KLF12: variants seen among roughly 807,000 people sequenced by gnomAD.
KLF12 encodes KLF transcription factor 12, also known as Krueppel-like factor 12.
KLF12 carries 9 observed loss-of-function variants against 37.8 expected under a neutral mutation model. That is an observed-to-expected ratio of 0.24 (90% CI 0.14 to 0.42). The LOEUF is 0.42. Ranked by LOEUF, KLF12 falls within the 10% of genes least tolerant of loss-of-function variation. The pLI is 1.00. For missense variants in KLF12, 411 were observed against 516.0 expected (o/e 0.80, Z 1.97); for synonymous variants, 208 against 202.1 (o/e 1.03, Z -0.25).
intron 2 of KLF12, among the ~76,000 whole-genome samples, chr13:73,955,747 T>TG (rs1285113223): frequency 6.6e-6 from 1 of 152,232 alleles, no homozygotes; most frequent in Non-Finnish European, 1.5e-5. Flanking sequence ...ATCCACAAAG[T>TG]GGCCTGTAAT....
At chr13:74,034,051 T>C (rs866805189) in intron 1 of KLF12, among the ~76,000 whole-genome samples, 13 of 151,954 alleles carry the variant, frequency 8.6e-5, no homozygotes, top group Non-Finnish European at 7.4e-5. Context: ...ACGCATTCAC[T>C]TTTTTTGTTT....
rs1313786198 is a variant in KLF12 at position 73,691,406 on chromosome 13, G to T, written c.*4084C>A. 1 of 152,634 alleles carries T rather than the reference G, an allele frequency of 6.6e-6. No homozygotes were observed. Among genetic ancestry groups the T allele is most frequent in the Non-Finnish European group, 1.5e-5 (1 of 68,034 alleles). 9.5% of individuals were successfully genotyped at this position (152,634 alleles called of 1,614,324 possible). A position where few individuals can be genotyped will look rare whatever the true frequency, so the allele number is the denominator to read the frequency against. ...GTTTTATACTAGAATACATTTACCT[G>T]CTAAGTTTACAGGCAACATTGAAGA... is the stretch of plus-strand genomic sequence containing the variant. On this transcript the variant is annotated 3_prime_UTR_variant, in exon 8 of 8. Coordinates refer to ENST00000377669, the MANE Select transcript of KLF12 (RefSeq NM_007249.5).
intron 2 of KLF12, among the ~76,000 whole-genome samples, chr13:73,985,171 C>T (rs781633132): frequency 5.9e-5 from 9 of 152,196 alleles, no homozygotes; most frequent in African/African-American, 1.7e-4. Flanking sequence ...TGCAGTCATC[C>T]GCCTTTGAAC....
At position 73,900,195 on chromosome 13, in the gene KLF12, T is replaced by C. The variant is rs79559798; in HGVS notation, c.123+43786A>G. Among the ~76,000 whole-genome samples, 1,259 of 152,258 alleles carry C rather than the reference T, an allele frequency of 8.3e-3. 20 individuals carry two copies. Among genetic ancestry groups the C allele is most frequent in the African/African-American group, 0.029 (1,189 of 41,548 alleles). On this transcript the variant is annotated intron_variant, in intron 3 of 7. Coordinates refer to ENST00000377669, the MANE Select transcript of KLF12 (RefSeq NM_007249.5). ...AATAATCTGACTGGAGATCCGGTCG[T>C]CATAAGGGATTTAGCATACAAGAAA...
At chr13:73,721,477 C>T (rs1044345405) in intron 6 of KLF12, among the ~76,000 whole-genome samples, 48 of 152,318 alleles carry the variant, frequency 3.2e-4, no homozygotes, top group African/African-American at 1.1e-3. Flanking sequence ...GTAAACCGTT[C>T]TGTAAGTACT....
chr13:73,984,368 C>T (rs12871414), intron 2 of KLF12, among the ~76,000 whole-genome samples: 31,875 of 152,116 alleles, frequency 0.21, 3,806 homozygotes, highest in Middle Eastern at 0.28. Context: ...CACAGGGAAG[C>T]GGCTGGTCCA....
chr13:74,143,595 T>C, the KLF12 span, among the ~76,000 whole-genome samples: 1 of 152,216 alleles, frequency 6.6e-6, no homozygotes, highest in Non-Finnish European at 1.5e-5. Flanking sequence ...GCTAATTTAT[T>C]GCAAGTTGCA....
chr13:73,904,130 C>A (rs534419780), intron 3 of KLF12, among the ~76,000 whole-genome samples: 5 of 152,282 alleles, frequency 3.3e-5, no homozygotes, highest in African/African-American at 1.2e-4. Context: ...GCAAGGCTAG[C>A]AATGGAGATA....
At chr13:74,165,813 A>C in the KLF12 span, among the ~76,000 whole-genome samples, 10 of 152,302 alleles carry the variant, frequency 6.6e-5, no homozygotes, top group South Asian at 1.7e-3. Flanking sequence ...AGAGAATGAG[A>C]TTATTATGAA....
intron 5 of KLF12, among the ~76,000 whole-genome samples, chr13:73,766,687 A>T (rs1484063364): frequency 6.6e-6 from 1 of 152,170 alleles, no homozygotes; most frequent in Non-Finnish European, 1.5e-5. Context: ...TCTATCTTTT[A>T]CACATTTACT....
chr13:74,084,909 CT>C (rs1190293119), intron 1 of KLF12, among the ~76,000 whole-genome samples: 2 of 152,166 alleles, frequency 1.3e-5, no homozygotes, highest in Non-Finnish European at 2.9e-5. Context: ...CATATCAAGT[CT>C]TTTCATTATA....
chr13:73,834,235 T>C (rs988944802), intron 4 of KLF12, among the ~76,000 whole-genome samples: 8 of 152,276 alleles, frequency 5.3e-5, no homozygotes, highest in African/African-American at 1.7e-4. Context: ...GAGGAGCTTA[T>C]TCTTACTATA....
Position 73,984,621 on chromosome 13 carries a change from T to G in KLF12, c.33+10369A>C, listed in dbSNP as rs187756841. ...GATTTCAGCTCTGGCGCCAAATATA[T>G]AGAAGCAACAGCCATATATAATGTG... On this transcript the variant is annotated intron_variant, in intron 2 of 7. Transcript: ENST00000377669. Among the ~76,000 whole-genome samples the G allele has an allele frequency of 4.4e-3, 664 of 152,286 alleles. 12 individuals are homozygous for G. The highest frequency in any genetic ancestry group is 0.039 in the Admixed American group (604 of 15,302).
the KLF12 span, among the ~76,000 whole-genome samples, chr13:74,208,381 C>G: frequency 1.3e-5 from 2 of 152,074 alleles, no homozygotes; most frequent in East Asian, 3.9e-4. Flanking sequence ...TGTGGCCAAT[C>G]TATCACTAAT....
the KLF12 span, among the ~76,000 whole-genome samples, chr13:74,188,581 A>G: frequency 6.6e-6 from 1 of 152,174 alleles, no homozygotes; most frequent in Non-Finnish European, 1.5e-5. Flanking sequence ...GGTAAAGTTA[A>G]CATACCAGGT....
chr13:74,212,614 A>G, the KLF12 span, among the ~76,000 whole-genome samples: 1 of 152,182 alleles, frequency 6.6e-6, no homozygotes, highest in Non-Finnish European at 1.5e-5. Flanking sequence ...AGCACCAACT[A>G]TGGGATGAAA....
chr13:74,075,425 G>T (rs1276045505), intron 1 of KLF12, among the ~76,000 whole-genome samples: 1 of 152,150 alleles, frequency 6.6e-6, no homozygotes, highest in Admixed American at 6.5e-5. Flanking sequence ...AATCATACAG[G>T]AAACTTAAAT....
chr13:73,799,292 A>G (rs1812129388), intron 5 of KLF12, among the ~76,000 whole-genome samples: 1 of 152,178 alleles, frequency 6.6e-6, no homozygotes. Flanking sequence ...AGAGCAAAAA[A>G]GATAACTATT....
At chr13:73,750,333 C>T (rs561517205) in intron 6 of KLF12, among the ~76,000 whole-genome samples, 3 of 152,248 alleles carry the variant, frequency 2.0e-5, no homozygotes, top group South Asian at 2.1e-4. Flanking sequence ...ATTCAAACTC[C>T]GGGCTTCAGT....
Sources: allele counts gnomAD v4.1 joint callset (sites outside exome capture counted in the v4.1 genomes callset), GRCh38; gene constraint gnomAD v4.1.1; transcripts MANE v1.5; gene names NCBI Gene and HGNC (gene_info 2026-07-23, HGNC 2026-07-21).